The following SDCCAG8 variants were observed in gnomAD, a reference collection of about 807,000 sequenced individuals.
SDCCAG8 encodes SHH signaling and ciliogenesis regulator SDCCAG8.
Under a neutral mutation model 101.8 loss-of-function variants are expected in SDCCAG8, and 74 were observed. The observed-to-expected ratio is 0.73, with a 90% CI of 0.60 to 0.88. The LOEUF (loss-of-function observed/expected upper bound fraction) is 0.88, where lower values mean the gene tolerates loss of function less well. Among genes scored for constraint, SDCCAG8 ranks in the 40% least tolerant of loss-of-function variants. The probability of loss-of-function intolerance (pLI) is 0.00; values close to 1 mark genes in which losing one functional copy is unlikely to be tolerated. For synonymous variants in SDCCAG8, 281 were observed against 292.9 expected (o/e 0.96, Z 0.41); for missense variants, 787 against 822.6 (o/e 0.96, Z 0.53).
chr1:243,388,176 G>T (rs539003953), intron 13 of SDCCAG8, among the ~76,000 whole-genome samples: 1 of 152,294 alleles, frequency 6.6e-6, no homozygotes, highest in Admixed American at 6.5e-5. Context: ...GGGTTTCCTG[G>T]AGCCAGCATG....
chr1:243,390,662 C>A (rs1214226556), intron 13 of SDCCAG8, among the ~76,000 whole-genome samples: 1 of 152,202 alleles, frequency 6.6e-6, no homozygotes, highest in Non-Finnish European at 1.5e-5. Flanking sequence ...GCCACATAGG[C>A]CCACAGCCTG....
chr1:243,325,872 G>A (rs1016740358), intron 9 of SDCCAG8, among the ~76,000 whole-genome samples: 1 of 152,184 alleles, frequency 6.6e-6, no homozygotes, highest in Non-Finnish European at 1.5e-5. Flanking sequence ...ATTTCAATTG[G>A]TGATAATTTT....
chr1:243,387,852 A>C (rs1310078761), intron 13 of SDCCAG8, among the ~76,000 whole-genome samples: 1 of 152,056 alleles, frequency 6.6e-6, no homozygotes, highest in Non-Finnish European at 1.5e-5. Flanking sequence ...AGTAGCTGGG[A>C]TTACAGGTAG....
At chr1:243,269,660 A>G (rs750599505) in intron 1 of SDCCAG8, among the ~76,000 whole-genome samples, 3 of 152,112 alleles carry the variant, frequency 2.0e-5, no homozygotes, top group Non-Finnish European at 2.9e-5. Context: ...AGGCTTCCCT[A>G]GGTTGGAACT....
At chr1:243,304,682 A>G (rs2071903084) in intron 6 of SDCCAG8, 31 bp from the exon 7 acceptor site, 2 of 1,236,370 alleles carry the variant, frequency 1.6e-6, no homozygotes, top group South Asian at 1.2e-5. Flanking sequence ...GGACATAGAG[A>G]AAAATGTACT....
intron 17 of SDCCAG8, among the ~76,000 whole-genome samples, chr1:243,493,518 A>G (rs1263229415): frequency 6.6e-6 from 1 of 151,774 alleles, no homozygotes; most frequent in African/African-American, 2.4e-5. Flanking sequence ...GCTGACTTGC[A>G]TTTTCTGGTA....
intron 10 of SDCCAG8, among the ~76,000 whole-genome samples, chr1:243,335,697 G>A (rs1034539341): frequency 2.6e-5 from 4 of 151,752 alleles, no homozygotes; most frequent in Non-Finnish European, 5.9e-5. Flanking sequence ...TGTGTATATC[G>A]CATGATGCTG....
intron 16 of SDCCAG8, among the ~76,000 whole-genome samples, chr1:243,468,767 A>G (rs980601443): frequency 7.2e-5 from 11 of 152,168 alleles, no homozygotes; most frequent in African/African-American, 2.7e-4. Context: ...CTCAATACAT[A>G]TTGTTTATTG....
intron 1 of SDCCAG8, among the ~76,000 whole-genome samples, chr1:243,266,978 C>T (rs1308850786): frequency 1.3e-5 from 2 of 148,356 alleles, no homozygotes; most frequent in African/African-American, 2.5e-5. Flanking sequence ...GGCGCGGTGG[C>T]TCACGCTTGT....
intron 16 of SDCCAG8, among the ~76,000 whole-genome samples, chr1:243,487,273 C>A (rs759815023): frequency 1.3e-5 from 2 of 152,088 alleles, no homozygotes; most frequent in East Asian, 1.9e-4. Flanking sequence ...CCGGGCCCCC[C>A]CCTGGGGCCT....
chr1:243,439,780 T>C (rs577318532), intron 16 of SDCCAG8, among the ~76,000 whole-genome samples: 11 of 152,176 alleles, frequency 7.2e-5, no homozygotes, highest in Non-Finnish European at 1.5e-4. Context: ...ATATGTGGCA[T>C]TGTTAGTCTA....
At chr1:243,384,837 C>T (rs75689469) in intron 13 of SDCCAG8, among the ~76,000 whole-genome samples, 3,000 of 152,232 alleles carry the variant, frequency 0.02, 102 homozygotes, top group African/African-American at 0.068. Flanking sequence ...TCACTAAACA[C>T]GTCTAGCCTA....
At chr1:243,287,093 T>C (rs947369454) in intron 5 of SDCCAG8, among the ~76,000 whole-genome samples, 5 of 152,194 alleles carry the variant, frequency 3.3e-5, no homozygotes, top group South Asian at 2.1e-4. Context: ...TTGAAGAACG[T>C]TGGGTCAGAT....
chr1:243,489,461 G>A (rs1665846456), intron 17 of SDCCAG8, among the ~76,000 whole-genome samples: 1 of 152,208 alleles, frequency 6.6e-6, no homozygotes, highest in African/African-American at 2.4e-5. Flanking sequence ...GGCCGTGGGC[G>A]GCAGAACAGG....
At position 243,422,022 on chromosome 1, in the gene SDCCAG8, G is replaced by C. The variant is rs1201190501; in HGVS notation, c.1853+3946G>C. 2.6e-5 allele frequency among the ~76,000 whole-genome samples: 4 copies of C among 152,210 alleles called. No individual in the cohort carries two copies. In the East Asian group the frequency reaches 7.7e-4, roughly 29 times the overall value. On this transcript the variant is annotated intron_variant, in intron 15 of 17. Coordinates refer to ENST00000366541, the MANE Select transcript of SDCCAG8 (RefSeq NM_006642.5). ...AGCTGGAAGGATTGGGTGCTGGCAG[G>C]GAGTGAGCCTCTGCCAGCCACAGAG...
At chr1:243,335,571 G>A (rs1276701022) in intron 10 of SDCCAG8, among the ~76,000 whole-genome samples, 1 of 152,142 alleles carries the variant, frequency 6.6e-6, no homozygotes, top group Non-Finnish European at 1.5e-5. Context: ...TTTACTGACA[G>A]TTGTTTCATG....
At chr1:243,368,928 A>G (rs1404868562) in intron 12 of SDCCAG8, among the ~76,000 whole-genome samples, 1 of 152,152 alleles carries the variant, frequency 6.6e-6, no homozygotes, top group Non-Finnish European at 1.5e-5. Context: ...AGCCAGTGAA[A>G]TAAATCCTAC....
chr1:243,376,806 T>G (rs992342402), intron 12 of SDCCAG8, among the ~76,000 whole-genome samples: 1 of 152,186 alleles, frequency 6.6e-6, no homozygotes, highest in African/African-American at 2.4e-5. Context: ...CTTTGCCACC[T>G]TAAACTGATT....
intron 15 of SDCCAG8, among the ~76,000 whole-genome samples, chr1:243,425,159 A>C (rs924707435): frequency 6.6e-6 from 1 of 152,146 alleles, no homozygotes; most frequent in African/African-American, 2.4e-5. Flanking sequence ...AAATGAGATA[A>C]TCCATGCTCT....
Sources: gnomAD v4.1 joint callset for allele counts (sites outside exome capture counted in the v4.1 genomes callset) on GRCh38, gnomAD v4.1.1 for gene constraint, MANE v1.5 for transcripts, NCBI Gene and HGNC (gene_info 2026-07-23, HGNC 2026-07-21) for gene names.